ARHGEF10: variants seen among roughly 807,000 people sequenced by gnomAD.
The protein encoded by ARHGEF10 is Rho guanine nucleotide exchange factor 10.
Under a neutral mutation model 147.4 loss-of-function variants are expected in ARHGEF10, and 140 were observed. The observed-to-expected ratio is 0.95, with a 90% CI of 0.83 to 1.09. The LOEUF (loss-of-function observed/expected upper bound fraction) is 1.09, where lower values mean the gene tolerates loss of function less well. Among genes scored for constraint, ARHGEF10 ranks in the 50% least tolerant of loss-of-function variants. ARHGEF10 has a pLI of 0.00. For synonymous variants in ARHGEF10, 902 were observed against 695.8 expected (o/e 1.30, Z -4.67); for missense variants, 2,222 against 1,752.7 (o/e 1.27, Z -4.78).
intron 27 of ARHGEF10, chr8:1,945,952 G>A (rs1165564533): frequency 4.5e-6 from 2 of 442,604 alleles, no homozygotes; most frequent in South Asian, 4.9e-5. Flanking sequence ...GAGTGGGTGG[G>A]AGACGATTTC....
chr8:1,872,575 A>C (rs1413626700), intron 7 of ARHGEF10, among the ~76,000 whole-genome samples: 2 of 152,208 alleles, frequency 1.3e-5, no homozygotes, highest in African/African-American at 4.8e-5. Flanking sequence ...ATCCTTTGAG[A>C]AGCTCTTGTA....
At chr8:1,832,933 GAGACAGAAGC>G in intron 1 of ARHGEF10, among the ~76,000 whole-genome samples, 1 of 108,128 alleles carries the variant, frequency 9.2e-6, no homozygotes, top group Non-Finnish European at 2.0e-5. Context: ...GACAGAGGCA[GAGACAGAAGC>G]AGAGACAGAG....
rs374707682 is a variant in ARHGEF10 at position 1,932,466 on chromosome 8, G to A, written c.3080-1334G>A. On this transcript the variant is annotated intron_variant, in intron 25 of 28. Coordinates refer to ENST00000349830, the MANE Select transcript of ARHGEF10 (RefSeq NM_014629.4). ...TGCACATGTGCATGCCTGCATGTGT[G>A]TATGTGTGTGACATGTGCACGTGTG... Among the ~76,000 whole-genome samples, 7 of 152,018 alleles carry A rather than the reference G, an allele frequency of 4.6e-5. No homozygotes were observed. In the East Asian group the frequency reaches 5.8e-4, roughly 13 times the overall value.
At chr8:1,887,826 G>A (rs893310491) in intron 11 of ARHGEF10, among the ~76,000 whole-genome samples, 7 of 145,770 alleles carry the variant, frequency 4.8e-5, no homozygotes, top group African/African-American at 1.8e-4. Flanking sequence ...GAGGAGAGGT[G>A]AAAGTTCTGA....
chr8:1,876,801 T>A (rs779303284), intron 8 of ARHGEF10, 67 bp downstream of exon 8: 134 of 1,549,618 alleles, frequency 8.6e-5, no homozygotes, highest in Non-Finnish European at 1.1e-4. Context: ...GCTGTGAATA[T>A]GATTGTGATC....
chr8:1,837,324 C>T (rs1021245770), intron 1 of ARHGEF10, among the ~76,000 whole-genome samples: 2 of 152,328 alleles, frequency 1.3e-5, no homozygotes, highest in Admixed American at 6.5e-5. Context: ...TGCAGGCAGA[C>T]GCCATGGTCG....
chr8:1,911,809 C>G (rs1421641454), intron 18 of ARHGEF10, among the ~76,000 whole-genome samples: 1 of 152,192 alleles, frequency 6.6e-6, no homozygotes. Flanking sequence ...CTGACAAAAC[C>G]CAGGTACATC....
chr8:1,909,386 A>T lies in ARHGEF10; in HGVS notation c.2059A>T (p.Ser687Cys), dbSNP rs1811177103. ...ACATGTGGACGCCATCGAGTATGGC[A>T]GCAGCGCAGGCACGGGCGAGCACAG... ...LGHVDAIEYGSSAGTGEHSRH... is the reference protein window; with the variant it reads ...LGHVDAIEYGCSAGTGEHSRH... The change falls in exon 18 of 29, where the codon AGC becomes TGC. Residue 687 changes from serine to cysteine, a missense_variant. Transcript: ENST00000349830. 1.2e-6 allele frequency: 2 copies of T among 1,614,190 alleles called. No individual in the cohort carries two copies. Among genetic ancestry groups the T allele is most frequent in the Non-Finnish European group, 1.7e-6 (2 of 1,180,040 alleles).
chr8:1,954,472 T>TAA (rs34310341), intron 28 of ARHGEF10, among the ~76,000 whole-genome samples: 98 of 149,536 alleles, frequency 6.6e-4, no homozygotes, highest in South Asian at 5.9e-3. Context: ...ATTCCAACAT[T>TAA]AAAAAAAAAA....
At chr8:1,852,639 C>T (rs1416184917) in intron 2 of ARHGEF10, among the ~76,000 whole-genome samples, 2 of 152,194 alleles carry the variant, frequency 1.3e-5, no homozygotes, top group African/African-American at 2.4e-5. Flanking sequence ...ATAGGCATAA[C>T]TTAAAATGGG....
intron 18 of ARHGEF10, among the ~76,000 whole-genome samples, chr8:1,912,034 T>C (rs12548089): frequency 0.29 from 43,455 of 152,108 alleles, 6,467 homozygotes; most frequent in African/African-American, 0.36. Flanking sequence ...GTGTTGGAAA[T>C]GTTGGTGTGT....
intron 7 of ARHGEF10, chr8:1,876,317 G>C: frequency 1.8e-6 from 1 of 555,132 alleles, no homozygotes; most frequent in Non-Finnish European, 3.2e-6. Context: ...GGTCCTCGGG[G>C]TACAGATGGG....
intron 8 of ARHGEF10, among the ~76,000 whole-genome samples, chr8:1,878,133 C>T (rs1807863341): frequency 6.6e-6 from 1 of 152,098 alleles, no homozygotes. Flanking sequence ...TCTTTTCTGC[C>T]ACCGTCATCA....
At chr8:1,836,326 A>T (rs1171204234) in intron 1 of ARHGEF10, among the ~76,000 whole-genome samples, 1 of 152,042 alleles carries the variant, frequency 6.6e-6, no homozygotes, top group Admixed American at 6.6e-5. Context: ...GCTCCTGGGG[A>T]TAGAGTGTTT....
chr8:1,828,519 T>A (rs920529769), intron 1 of ARHGEF10, among the ~76,000 whole-genome samples: 1 of 148,802 alleles, frequency 6.7e-6, no homozygotes, highest in Non-Finnish European at 1.5e-5. Flanking sequence ...AATTACATTT[T>A]GATAAACCGT....
intron 26 of ARHGEF10, among the ~76,000 whole-genome samples, chr8:1,939,542 A>G (rs1813907961): frequency 6.6e-6 from 1 of 152,234 alleles, no homozygotes; most frequent in South Asian, 2.1e-4. Flanking sequence ...TACGAGTTTC[A>G]CGACGGCAGC....
chr8:1,905,484 C>CT, intron 16 of ARHGEF10, 87 bp from the exon 17 acceptor site: 1 of 1,557,200 alleles, frequency 6.4e-7, no homozygotes, highest in Non-Finnish European at 8.8e-7. Context: ...AAAAGTCACC[C>CT]TGAGACTCCA....
intron 1 of ARHGEF10, among the ~76,000 whole-genome samples, chr8:1,824,438 TG>T (rs967192594): frequency 6.6e-6 from 1 of 151,910 alleles, no homozygotes. Flanking sequence ...TGGCTTCGCC[TG>T]GGGGGTCGTG....
At chr8:1,884,855 C>A (rs1001214785) in intron 10 of ARHGEF10, among the ~76,000 whole-genome samples, 3 of 152,198 alleles carry the variant, frequency 2.0e-5, no homozygotes, top group Non-Finnish European at 4.4e-5. Context: ...GCCTCCACCT[C>A]CTGGGTTCAG....
Sources: gnomAD v4.1 joint callset for allele counts (sites outside exome capture counted in the v4.1 genomes callset) on GRCh38, gnomAD v4.1.1 for gene constraint, MANE v1.5 for transcripts, NCBI Gene and HGNC (gene_info 2026-07-23, HGNC 2026-07-21) for gene names.